The following SRGAP3 variants were observed in gnomAD, a reference collection of about 807,000 sequenced individuals.
SRGAP3 encodes SLIT-ROBO Rho GTPase-activating protein 3.
A neutral mutation model predicts 121.1 loss-of-function variants in SRGAP3; 39 were observed. The ratio of observed to expected loss-of-function variants is 0.32; its 90% CI spans 0.25 to 0.42. The LOEUF is 0.42. SRGAP3 is among the 10% of genes least tolerant of loss of function. The pLI is 1.00. For synonymous variants in SRGAP3, 601 were observed against 570.0 expected (o/e 1.05, Z -0.77); for missense variants, 1,213 against 1,470.6 (o/e 0.82, Z 2.86).
At chr3:9,052,119 C>T (rs1382464065) in intron 9 of SRGAP3, among the ~76,000 whole-genome samples, 1 of 152,182 alleles carries the variant, frequency 6.6e-6, no homozygotes, top group Non-Finnish European at 1.5e-5. Context: ...GATACTGAGG[C>T]TACTCAAAAC....
chr3:9,185,789 G>A (rs929583537), intron 1 of SRGAP3, among the ~76,000 whole-genome samples: 5 of 151,896 alleles, frequency 3.3e-5, no homozygotes, highest in Admixed American at 1.3e-4. Context: ...CTCCCACCTC[G>A]GCTTCCCAAA....
intron 18 of SRGAP3, among the ~76,000 whole-genome samples, chr3:8,999,438 T>C (rs926290155): frequency 6.6e-6 from 1 of 152,206 alleles, no homozygotes; most frequent in Non-Finnish European, 1.5e-5. Flanking sequence ...TCCCTCCCTC[T>C]AGCCATGCCA....
intron 1 of SRGAP3, among the ~76,000 whole-genome samples, chr3:9,341,628 T>A (rs1955789652): frequency 6.6e-6 from 1 of 152,162 alleles, no homozygotes; most frequent in Non-Finnish European, 1.5e-5. Context: ...GACAACTTGG[T>A]CAACTACTTG....
intron 1 of SRGAP3, among the ~76,000 whole-genome samples, chr3:9,148,159 A>T (rs1322011767): frequency 6.6e-6 from 1 of 152,148 alleles, no homozygotes; most frequent in Non-Finnish European, 1.5e-5. Context: ...GGGAGGGAGA[A>T]GGAGGAGCAG....
Position 9,165,862 on chromosome 3 carries a change from T to C in SRGAP3, c.68-40945A>G, listed in dbSNP as rs527576869. Among the ~76,000 whole-genome samples the C allele has an allele frequency of 2.6e-5, 4 of 152,310 alleles. No individual in the cohort carries two copies. In the South Asian group the frequency reaches 8.3e-4, roughly 32 times the overall value. On this transcript the variant is annotated intron_variant, in intron 1 of 21. Coordinates refer to ENST00000383836, the MANE Select transcript of SRGAP3 (RefSeq NM_014850.4). ...CAGCTAGGTCAGATGCCTTGTGAAA[T>C]GCTTTCACAGATCTGAATTCTGCTC... is the stretch of plus-strand genomic sequence containing the variant.
chr3:9,012,380 G>A (rs1943419641), intron 17 of SRGAP3, among the ~76,000 whole-genome samples: 2 of 152,200 alleles, frequency 1.3e-5, no homozygotes, highest in African/African-American at 4.8e-5. Flanking sequence ...AAATGCTTTG[G>A]TCTCTGTCAT....
In SRGAP3 at chr3:8,990,964, CAT is replaced by C. The variant is rs1376725605; in HGVS notation, c.2559-127_2559-126del. On this transcript the variant is annotated intron_variant, in intron 20 of 21. Coordinates refer to ENST00000383836, the MANE Select transcript of SRGAP3 (RefSeq NM_014850.4). Reference sequence around the variant, plus strand: ...CTAAGGAGCGGGTACAGTAAAGCCTCATTCAGCCAGACCCTACAATTCCATAA... The same window carrying C: ...CTAAGGAGCGGGTACAGTAAAGCCTCTCAGCCAGACCCTACAATTCCATAA... 6 of 815,924 alleles carry C rather than the reference CAT, an allele frequency of 7.4e-6. No individual in the cohort carries two copies. In the East Asian group the frequency reaches 1.4e-4, roughly 19 times the overall value. The allele number at this position is 815,924 out of a possible 1,614,324, so 50.5% of individuals were successfully genotyped here. A position where few individuals can be genotyped will look rare whatever the true frequency, so the allele number is the denominator to read the frequency against.
upstream of SRGAP3, among the ~76,000 whole-genome samples, chr3:9,250,379 T>C (rs922287491): frequency 1.3e-5 from 2 of 152,148 alleles, no homozygotes; most frequent in African/African-American, 4.8e-5. Flanking sequence ...GTTTCCACCA[T>C]TCATGCTAAT....
chr3:9,118,640 G>T (rs1948890414), intron 2 of SRGAP3, among the ~76,000 whole-genome samples: 1 of 152,106 alleles, frequency 6.6e-6, no homozygotes, highest in Non-Finnish European at 1.5e-5. Flanking sequence ...GCTCTTCAAA[G>T]TGAACTGCCA....
chr3:9,056,399 C>G, intron 7 of SRGAP3, 65 bp from the exon 8 acceptor site: 1 of 1,525,224 alleles, frequency 6.6e-7, no homozygotes, highest in African/African-American at 1.4e-5. Flanking sequence ...GGAGCTAGGG[C>G]AGGGGCTACC....
At chr3:9,277,966 C>T (rs1426286057) in intron 3 of SRGAP3, among the ~76,000 whole-genome samples, 1 of 152,106 alleles carries the variant, frequency 6.6e-6, no homozygotes, top group Admixed American at 6.6e-5. Context: ...GCTGTCTTGT[C>T]CCTTCCACCA....
chr3:9,067,561 G>A (rs1291744919), intron 4 of SRGAP3, among the ~76,000 whole-genome samples: 1 of 152,016 alleles, frequency 6.6e-6, no homozygotes, highest in Non-Finnish European at 1.5e-5. Flanking sequence ...GCCAAAAGGG[G>A]TGACTGCAGA....
At chr3:9,231,547 A>G (rs73811456) in intron 1 of SRGAP3, among the ~76,000 whole-genome samples, 3,244 of 152,370 alleles carry the variant, frequency 0.021, 118 homozygotes, top group African/African-American at 0.074. Flanking sequence ...ATATTTTTAT[A>G]GGCCAACACC....
intron 1 of SRGAP3, among the ~76,000 whole-genome samples, chr3:9,343,019 T>C (rs1252470010): frequency 1.3e-5 from 2 of 152,210 alleles, no homozygotes; most frequent in East Asian, 1.9e-4. Flanking sequence ...CTCACTGGAC[T>C]CCTTGTCCCC....
Position 9,097,653 on chromosome 3 carries a change from C to T in SRGAP3, c.423+7027G>A, listed in dbSNP as rs141724731. ...TGTGACGCACCACTCAGATCCCCTT[C>T]GGGCCTGGGGAACGTATTCCCCCAG... On this transcript the variant is annotated intron_variant, in intron 3 of 21. Transcript: ENST00000383836. 3.2e-3 allele frequency among the ~76,000 whole-genome samples: 487 copies of T among 152,338 alleles called. 3 individuals carry two copies. The highest frequency in any genetic ancestry group is 0.011 in the African/African-American group (461 of 41,574).
intron 3 of SRGAP3, among the ~76,000 whole-genome samples, chr3:9,092,052 C>T (rs1390868722): frequency 6.6e-6 from 1 of 152,120 alleles, no homozygotes; most frequent in Non-Finnish European, 1.5e-5. Context: ...AGTGGTGAGC[C>T]TCACTCATGC....
At chr3:9,112,805 C>T (rs1948677260) in intron 2 of SRGAP3, among the ~76,000 whole-genome samples, 1 of 152,184 alleles carries the variant, frequency 6.6e-6, no homozygotes, top group Non-Finnish European at 1.5e-5. Context: ...TTCCTTTTTG[C>T]TTCTGGTCTT....
At chr3:9,237,607 C>G (rs1288709230) in intron 1 of SRGAP3, among the ~76,000 whole-genome samples, 1 of 152,194 alleles carries the variant, frequency 6.6e-6, no homozygotes. Context: ...AATCAAGTGG[C>G]AATCCAGGGC....
chr3:9,093,665 T>A (rs1947849582), intron 3 of SRGAP3, among the ~76,000 whole-genome samples: 1 of 152,182 alleles, frequency 6.6e-6, no homozygotes, highest in South Asian at 2.1e-4. Flanking sequence ...GTCCCCATTA[T>A]CTTTCACCAC....
Sources: allele counts gnomAD v4.1 joint callset (sites outside exome capture counted in the v4.1 genomes callset), GRCh38; gene constraint gnomAD v4.1.1; transcripts MANE v1.5; gene names NCBI Gene and HGNC (gene_info 2026-07-23, HGNC 2026-07-21).